The following SLC9A7 variants were observed in gnomAD, a reference collection of about 807,000 sequenced individuals.
SLC9A7 encodes the protein sodium/hydrogen exchanger 7.
In SLC9A7, 19 loss-of-function variants were observed where a neutral mutation model predicts 52.6. The observed-to-expected ratio is 0.36, with a 90% CI of 0.25 to 0.53. The LOEUF (loss-of-function observed/expected upper bound fraction) is 0.53. SLC9A7 is among the 20% of genes least tolerant of loss of function. The pLI, the probability that SLC9A7 is intolerant of heterozygous loss-of-function variation, is 0.91. For missense variants in SLC9A7, 455 were observed against 597.9 expected, an observed-to-expected ratio of 0.76 and a Z score of 2.49; for synonymous variants, 226 against 252.1, an observed-to-expected ratio of 0.90 and a Z score of 0.98.
chrX:46,653,516 C>T (rs908189274), intron 8 of SLC9A7, 93 bp downstream of exon 8: 2 of 549,445 alleles, frequency 3.6e-6, no homozygotes, highest in Non-Finnish European at 6.1e-6. Flanking sequence ...AAACTCTGTG[C>T]AGCTGTTATC....
At chrX:46,660,065 G>A (rs1479353537) in intron 7 of SLC9A7, among the ~76,000 whole-genome samples, 12 of 106,867 alleles carry the variant, frequency 1.1e-4, no homozygotes, top group African/African-American at 3.1e-4. Flanking sequence ...AAATAATGCC[G>A]CATATCTACA....
chrX:46,662,808 G>A lies in SLC9A7; in HGVS notation c.794-165C>T, dbSNP rs145036104. 2.1e-3 allele frequency among the ~76,000 whole-genome samples: 232 copies of A among 111,956 alleles called. 1 individual carries two copies. The East Asian group carries it at 0.032, about 16-fold the overall frequency. ...TCTATCTGTGGCAGAAATGAAAACC[G>A]CAATCTTCCTTATCTGAAGGAGCTT... On this transcript the variant is annotated intron_variant, in intron 5 of 16. Coordinates refer to ENST00000616978, the MANE Select transcript of SLC9A7 (RefSeq NM_001257291.2).
At chrX:46,678,432 A>ATTT (rs1366375791) in intron 3 of SLC9A7, among the ~76,000 whole-genome samples, 6 of 102,708 alleles carry the variant, frequency 5.8e-5, no homozygotes, top group African/African-American at 2.1e-4. Flanking sequence ...TTATTTATTT[A>ATTT]TTTATTTATT....
intron 1 of SLC9A7, among the ~76,000 whole-genome samples, chrX:46,715,474 A>G (rs184431561): frequency 8.9e-6 from 1 of 111,799 alleles, no homozygotes; most frequent in East Asian, 2.8e-4. Flanking sequence ...ATTGTTAATA[A>G]CTACATTATG....
chrX:46,725,621 C>G, intron 1 of SLC9A7: 1 of 1,111,971 alleles, frequency 9.0e-7, no homozygotes, highest in Non-Finnish European at 1.2e-6. Context: ...TTAAAACTCA[C>G]GAGGCTTTCT....
At chrX:46,708,086 G>A (rs751214640) in intron 1 of SLC9A7, among the ~76,000 whole-genome samples, 29 of 112,520 alleles carry the variant, frequency 2.6e-4, no homozygotes, top group Non-Finnish European at 5.6e-5. Flanking sequence ...GAGGTGAGAG[G>A]ACTGCTTGAG....
At position 46,601,501 on chromosome X, in the gene SLC9A7, T is replaced by C. The variant is rs760977204; in HGVS notation, c.*5451A>G. Reference sequence around the variant, plus strand: ...GATAGCTGAGATACCCTTTTGCATGTTTTCTAAAGAGATTCCATTTGTCAG... The same window carrying C: ...GATAGCTGAGATACCCTTTTGCATGCTTTCTAAAGAGATTCCATTTGTCAG... On this transcript the variant is annotated 3_prime_UTR_variant, in exon 17 of 17. Transcript: ENST00000616978. The C allele has an allele frequency of 1.8e-5, 2 of 112,538 alleles. No individual in the cohort carries two copies. Among genetic ancestry groups the C allele is most frequent in the Non-Finnish European group, 3.8e-5 (2 of 53,286 alleles). The allele number at this position is 112,538 out of a possible 1,213,427, so 9.3% of individuals were successfully genotyped here. A position where few individuals can be genotyped will look rare whatever the true frequency, so the allele number is the denominator to read the frequency against.
At chrX:46,739,768 C>T (rs1158977531) in intron 1 of SLC9A7, among the ~76,000 whole-genome samples, 1 of 111,757 alleles carries the variant, frequency 8.9e-6, no homozygotes, top group East Asian at 2.8e-4. Flanking sequence ...ACTTCATCTG[C>T]TATAACAGAC....
intron 7 of SLC9A7, among the ~76,000 whole-genome samples, chrX:46,661,343 G>A (rs181069065): frequency 5.9e-4 from 65 of 109,271 alleles, no homozygotes; most frequent in African/African-American, 2.0e-3. Flanking sequence ...TGCACATTGT[G>A]CACATGTACC....
chrX:46,611,864 G>A (rs1400104555), intron 16 of SLC9A7, among the ~76,000 whole-genome samples: 3 of 111,503 alleles, frequency 2.7e-5, no homozygotes, highest in Non-Finnish European at 5.7e-5. Context: ...CTTCTCTTCC[G>A]CCCCAGCGCC....
chrX:46,719,535 G>A (rs2146953816), intron 1 of SLC9A7, among the ~76,000 whole-genome samples: 1 of 111,512 alleles, frequency 9.0e-6, no homozygotes, highest in African/African-American at 3.3e-5. Flanking sequence ...AAATAAAAGA[G>A]CACAACAAAA....
chrX:46,739,019 A>C (rs1921115800), intron 1 of SLC9A7, among the ~76,000 whole-genome samples: 1 of 111,712 alleles, frequency 9.0e-6, no homozygotes, highest in African/African-American at 3.3e-5. Context: ...TCTTCCTTCT[A>C]TCTCCATATC....
At position 46,600,533 on chromosome X, in the gene SLC9A7, G is replaced by T. The variant is rs750766029; in HGVS notation, c.*6419C>A. The T allele has an allele frequency of 2.6e-4, 29 of 111,925 alleles. No individual in the cohort carries two copies. The highest frequency in any genetic ancestry group is 9.4e-4 in the African/African-American group (29 of 30,866). 9.2% of individuals were successfully genotyped at this position (111,925 alleles called of 1,213,427 possible). On this transcript the variant is annotated 3_prime_UTR_variant, in exon 17 of 17. Coordinates refer to ENST00000616978, the MANE Select transcript of SLC9A7 (RefSeq NM_001257291.2). ...GTAGCAGAAAACCGGCTGCCTGTGT[G>T]TTCCATATGGGCCACGACTATAGTA...
intron 1 of SLC9A7, among the ~76,000 whole-genome samples, chrX:46,694,608 T>G (rs765302495): frequency 8.9e-6 from 1 of 112,012 alleles, no homozygotes; most frequent in Admixed American, 9.5e-5. Context: ...GGAGAGCATG[T>G]GGCAAACCTA....
intron 1 of SLC9A7, among the ~76,000 whole-genome samples, chrX:46,687,288 T>C (rs1944310537): frequency 1.8e-5 from 2 of 112,161 alleles, no homozygotes; most frequent in Admixed American, 9.5e-5. Context: ...TTTTTTCTTA[T>C]GTAAGGTACT....
intron 1 of SLC9A7, among the ~76,000 whole-genome samples, chrX:46,734,567 C>T (rs778820465): frequency 1.8e-5 from 2 of 111,344 alleles, no homozygotes; most frequent in East Asian, 5.6e-4. Context: ...ACTTTTGTTC[C>T]TTTAAGTGCT....
chrX:46,691,984 T>A (rs867819005), intron 1 of SLC9A7, among the ~76,000 whole-genome samples: 5 of 111,484 alleles, frequency 4.5e-5, no homozygotes, highest in African/African-American at 1.6e-4. Context: ...GCAAAACACA[T>A]AATGATAGTA....
intron 14 of SLC9A7, among the ~76,000 whole-genome samples, chrX:46,626,196 T>C (rs1166972492): frequency 8.9e-6 from 1 of 112,463 alleles, no homozygotes. Flanking sequence ...AAATTTGTGG[T>C]AATTTGTTAC....
At chrX:46,685,571 C>T (rs1944282329) in intron 1 of SLC9A7, 1 of 111,530 alleles carries the variant, frequency 9.0e-6, no homozygotes, top group South Asian at 3.8e-4. Context: ...TGTTTGCGGT[C>T]ACAGTAATGG....
Sources: gnomAD v4.1 joint callset for allele counts (sites outside exome capture counted in the v4.1 genomes callset) on GRCh38, gnomAD v4.1.1 for gene constraint, MANE v1.5 for transcripts, NCBI Gene and HGNC (gene_info 2026-07-23, HGNC 2026-07-21) for gene names.